The following CACNA2D1 variants were observed in gnomAD, a reference collection of about 807,000 sequenced individuals.
CACNA2D1 encodes voltage-dependent calcium channel subunit alpha-2/delta-1.
A neutral mutation model predicts 171.5 loss-of-function variants in CACNA2D1; 53 were observed. The ratio of observed to expected loss-of-function variants is 0.31; its 90% confidence interval spans 0.25 to 0.39. The LOEUF is 0.39. CACNA2D1 is among the 10% of genes least tolerant of loss of function. The pLI, the probability that CACNA2D1 is intolerant of heterozygous loss-of-function variation, is 1.00. For missense variants in CACNA2D1, 903 were observed against 1,299.8 expected (o/e 0.69, Z 4.69); for synonymous variants, 442 against 443.1 (o/e 1.00, Z 0.03).
intron 1 of CACNA2D1, among the ~76,000 whole-genome samples, chr7:82,420,854 C>A (rs1480769222): frequency 6.6e-6 from 1 of 151,872 alleles, no homozygotes; most frequent in African/African-American, 2.4e-5. Flanking sequence ...TAAGGCCACA[C>A]CTTTCTCTAA....
At chr7:82,093,801 C>T (rs544204838) in intron 6 of CACNA2D1, among the ~76,000 whole-genome samples, 6 of 152,232 alleles carry the variant, frequency 3.9e-5, no homozygotes, top group African/African-American at 1.2e-4. Flanking sequence ...CACACATACA[C>T]AGGCACACAC....
intron 4 of CACNA2D1, 40 bp from the exon 5 acceptor site, chr7:82,136,716 A>T: frequency 9.9e-6 from 13 of 1,316,130 alleles, no homozygotes; most frequent in African/African-American, 1.5e-5. Flanking sequence ...TTTAATAAAA[A>T]CAATACTGTA....
At chr7:82,234,529 T>G (rs1470527750) in intron 3 of CACNA2D1, among the ~76,000 whole-genome samples, 1 of 152,100 alleles carries the variant, frequency 6.6e-6, no homozygotes, top group East Asian at 1.9e-4. Flanking sequence ...TTATTGCCTC[T>G]GTAACAATTT....
intron 3 of CACNA2D1, among the ~76,000 whole-genome samples, chr7:82,178,748 C>A (rs146359485): frequency 1.3e-5 from 2 of 152,198 alleles, no homozygotes; most frequent in East Asian, 1.9e-4. Flanking sequence ...ACAGTCCATG[C>A]CCTTCACTAG....
chr7:82,007,790 A>T, intron 15 of CACNA2D1, 34 bp from the exon 16 acceptor site: 1 of 1,225,624 alleles, frequency 8.2e-7, no homozygotes, highest in Non-Finnish European at 1.2e-6. Context: ...GGGCAAATTA[A>T]AATTACAATT....
intron 3 of CACNA2D1, among the ~76,000 whole-genome samples, chr7:82,226,314 T>C (rs1802358476): frequency 6.6e-6 from 1 of 152,196 alleles, no homozygotes; most frequent in Admixed American, 6.5e-5. Flanking sequence ...CTGCTGGGCA[T>C]TTCACATCTG....
chr7:82,394,223 G>A (rs901648197), intron 1 of CACNA2D1, among the ~76,000 whole-genome samples: 4 of 152,006 alleles, frequency 2.6e-5, no homozygotes, highest in South Asian at 2.1e-4. Flanking sequence ...AATCACAATC[G>A]AGTGATTTTT....
rs180834308 is a variant in CACNA2D1 at position 82,155,961 on chromosome 7, C to T, written c.354+14589G>A. 2.2e-3 allele frequency among the ~76,000 whole-genome samples: 342 copies of T among 152,216 alleles called. 2 individuals are homozygous for T. The highest frequency in any genetic ancestry group is 0.018 in the South Asian group (85 of 4,822). ...TATTCACTTTGATACTTTTAATAGT[C>T]ACACATTGATATTTTTACTTACCCT... On this transcript the variant is annotated intron_variant, in intron 4 of 38. Coordinates refer to ENST00000356860, the MANE Select transcript of CACNA2D1 (RefSeq NM_000722.4).
intron 3 of CACNA2D1, among the ~76,000 whole-genome samples, chr7:82,225,883 T>C (rs1802305641): frequency 1.3e-5 from 2 of 152,206 alleles, no homozygotes; most frequent in South Asian, 4.1e-4. Context: ...TGTTTTTCAA[T>C]GCAAATGAAA....
chr7:82,351,982 G>A (rs924003510), intron 1 of CACNA2D1, among the ~76,000 whole-genome samples: 7 of 152,114 alleles, frequency 4.6e-5, no homozygotes, highest in African/African-American at 1.7e-4. Flanking sequence ...GAATATATAT[G>A]TAAAGAAGTG....
At chr7:81,990,943 G>C (rs1797484605) in intron 21 of CACNA2D1, among the ~76,000 whole-genome samples, 1 of 152,076 alleles carries the variant, frequency 6.6e-6, no homozygotes, top group South Asian at 2.1e-4. Flanking sequence ...ATGGGTATTT[G>C]TCAACATTTC....
chr7:82,315,645 A>G (rs1388540212), intron 3 of CACNA2D1, among the ~76,000 whole-genome samples: 1 of 152,184 alleles, frequency 6.6e-6, no homozygotes, highest in African/African-American at 2.4e-5. Flanking sequence ...ACACTAAAAG[A>G]CAAGGTGGTT....
chr7:82,347,301 C>G (rs367659700), intron 2 of CACNA2D1, among the ~76,000 whole-genome samples: 1 of 151,934 alleles, frequency 6.6e-6, no homozygotes, highest in African/African-American at 2.4e-5. Flanking sequence ...ATTTTTGAGA[C>G]AGGGTCTCAC....
rs1343233163 is a variant in CACNA2D1 at position 82,014,490 on chromosome 7, T to G, written c.1144-11A>C. The G allele has an allele frequency of 2.1e-6, 3 of 1,430,932 alleles. No homozygotes were observed. In the Admixed American group the frequency reaches 5.0e-5, roughly 24 times the overall value. 88.6% of individuals were successfully genotyped at this position (1,430,932 alleles called of 1,614,324 possible). On this transcript the variant is annotated splice_polypyrimidine_tract_variant and intron_variant, in intron 12 of 38. Coordinates refer to ENST00000356860, the MANE Select transcript of CACNA2D1 (RefSeq NM_000722.4). ...CGTGAATACACGTACCTGGATGAAT[T>G]GAAAAATAGGTATTCATTAGGCTGA... is the stretch of plus-strand genomic sequence containing the variant.
intron 38 of CACNA2D1, among the ~76,000 whole-genome samples, chr7:81,956,537 T>C (rs1793373622): frequency 6.6e-6 from 1 of 152,128 alleles, no homozygotes; most frequent in South Asian, 2.1e-4. Flanking sequence ...ATATATCAAT[T>C]TTTAAAATGT....
chr7:82,349,582 T>A lies in CACNA2D1; in HGVS notation c.163A>T (p.Asn55Tyr). The A allele has an allele frequency of 6.2e-7, 1 of 1,613,722 alleles. No individual in the cohort carries two copies. Among genetic ancestry groups the A allele is most frequent in the Non-Finnish European group, 8.5e-7 (1 of 1,179,596 alleles). The change falls in exon 2 of 39, where the codon AAT becomes TAT. Residue 55 changes from asparagine to tyrosine, a missense_variant. Around this residue, in one of 5 missense-constraint regions of CACNA2D1, gnomAD observed 189 missense variants for 266.8 expected, o/e 0.71. Coordinates refer to ENST00000356860, the MANE Select transcript of CACNA2D1 (RefSeq NM_000722.4). Reference sequence around the variant, plus strand: ...ATTTTACTCACATCAACAAGCTGATTGACTCCACTTGCTGTTTTTGCCAGT... The same window carrying A: ...ATTTTACTCACATCAACAAGCTGATAGACTCCACTTGCTGTTTTTGCCAGT... ...VTLAKTASGV[N>Y]QLVDIYEKYQ...
At chr7:82,067,547 TA>T (rs1016768384) in intron 7 of CACNA2D1, among the ~76,000 whole-genome samples, 2 of 152,154 alleles carry the variant, frequency 1.3e-5, no homozygotes, top group African/African-American at 4.8e-5. Context: ...GTAGCTATAT[TA>T]AAAAATGATT....
chr7:82,184,491 T>C (rs916576308), intron 3 of CACNA2D1, among the ~76,000 whole-genome samples: 2 of 152,092 alleles, frequency 1.3e-5, no homozygotes, highest in Non-Finnish European at 2.9e-5. Context: ...AATACTATTA[T>C]TATTTCTCTT....
At chr7:82,437,896 C>T (rs1400876292) in intron 1 of CACNA2D1, among the ~76,000 whole-genome samples, 2 of 152,024 alleles carry the variant, frequency 1.3e-5, no homozygotes, top group African/African-American at 4.8e-5. Flanking sequence ...TATCACACCA[C>T]CAAATATGTT....
Sources: allele counts gnomAD v4.1 joint callset (sites outside exome capture counted in the v4.1 genomes callset), GRCh38; gene constraint gnomAD v4.1.1; regional missense constraint gnomAD v4.1.1; transcripts MANE v1.5; gene names NCBI Gene and HGNC (gene_info 2026-07-23, HGNC 2026-07-21).